WASF3: variants seen among roughly 807,000 people sequenced by gnomAD.
The protein encoded by WASF3 is actin-binding protein WASF3.
In WASF3, 11 loss-of-function variants were observed where a neutral mutation model predicts 46.6. The observed-to-expected ratio is 0.24, with a 90% CI of 0.15 to 0.39. WASF3 has a LOEUF of 0.39. WASF3 is among the 10% of genes least tolerant of loss of function. The pLI is 1.00. For missense variants in WASF3, 576 were observed against 669.8 expected (o/e 0.86, Z 1.55); for synonymous variants, 242 against 259.7 (o/e 0.93, Z 0.65).
rs1881161632 is a variant in WASF3 at position 26,617,218 on chromosome 13, G to C, written c.-11+4160G>C. Among the ~76,000 whole-genome samples the C allele has an allele frequency of 2.6e-5, 4 of 151,222 alleles. No homozygotes were observed. The South Asian group carries it at 8.4e-4, about 32-fold the overall frequency. ...GTTGGTTTCTGAGAAAAGTATGTTGGGTCTTCTACAAAAGGATAATAAAAG... is the reference window on the plus strand; with the variant it reads ...GTTGGTTTCTGAGAAAAGTATGTTGCGTCTTCTACAAAAGGATAATAAAAG... On this transcript the variant is annotated intron_variant, in intron 2 of 9. Transcript: ENST00000335327.
chr13:26,556,479 C>T (rs750514951), upstream of WASF3, among the ~76,000 whole-genome samples: 3 of 152,196 alleles, frequency 2.0e-5, no homozygotes, highest in Non-Finnish European at 4.4e-5. Context: ...TCACCAAAAT[C>T]CTGTTTACCT....
At chr13:26,553,788 G>T (rs543596446), upstream of WASF3, among the ~76,000 whole-genome samples, 160 of 150,106 alleles carry the variant, frequency 1.1e-3, 1 homozygote, top group South Asian at 3.7e-3. Context: ...CTGCACTCCA[G>T]CCTGGGCGAC....
intron 4 of WASF3, among the ~76,000 whole-genome samples, chr13:26,665,986 C>T (rs543888197): frequency 3.9e-5 from 6 of 152,070 alleles, no homozygotes; most frequent in African/African-American, 9.6e-5. Flanking sequence ...TGTGCTATAT[C>T]TATAGAGTAG....
intron 1 of WASF3, chr13:26,606,960 A>G (rs1880818519): frequency 6.6e-6 from 1 of 152,192 alleles, no homozygotes; most frequent in South Asian, 2.1e-4. Context: ...CTTTTATTAC[A>G]GTATGTTGGT....
chr13:26,559,398 A>T (rs558136685), intron 1 of WASF3, among the ~76,000 whole-genome samples: 3 of 152,362 alleles, frequency 2.0e-5, no homozygotes, highest in African/African-American at 7.2e-5. Context: ...ATTTGTTTTT[A>T]AAAAATCTGT....
intron 3 of WASF3, among the ~76,000 whole-genome samples, chr13:26,662,667 G>T (rs1882662792): frequency 6.6e-6 from 1 of 152,206 alleles, no homozygotes; most frequent in African/African-American, 2.4e-5. Context: ...AGGAAGAGGG[G>T]CAAAGGCCAA....
chr13:26,577,578 A>G lies in WASF3; in HGVS notation c.-109+19759A>G, dbSNP rs1347494002. On this transcript the variant is annotated intron_variant, in intron 1 of 9. Coordinates refer to ENST00000335327, the MANE Select transcript of WASF3 (RefSeq NM_006646.6). ...GAATTGGGAAAACTCATGGAGCTTCATGGTGAAGGCAGTAGTTCTGGAAAA... is the reference window on the plus strand; with the variant it reads ...GAATTGGGAAAACTCATGGAGCTTCGTGGTGAAGGCAGTAGTTCTGGAAAA... The G allele has an allele frequency of 2.2e-5, 25 of 1,144,404 alleles. No individual in the cohort carries two copies. In the East Asian group the frequency reaches 4.2e-4, roughly 19 times the overall value. The allele number at this position is 1,144,404 out of a possible 1,614,324, so 70.9% of individuals were successfully genotyped here. A position where few individuals can be genotyped will look rare whatever the true frequency, so the allele number is the denominator to read the frequency against.
At chr13:26,621,399 A>G (rs1350593482) in intron 2 of WASF3, among the ~76,000 whole-genome samples, 1 of 152,226 alleles carries the variant, frequency 6.6e-6, no homozygotes. Flanking sequence ...AAAGGAAAGT[A>G]TGCCAGAGCT....
intron 2 of WASF3, among the ~76,000 whole-genome samples, chr13:26,616,862 G>A (rs1050253096): frequency 2.0e-5 from 3 of 152,118 alleles, no homozygotes; most frequent in African/African-American, 4.8e-5. Context: ...TGTCCCTGGG[G>A]TGTAGTCAAA....
intron 7 of WASF3, chr13:26,680,199 C>T (rs181397950): frequency 2.6e-6 from 4 of 1,562,100 alleles, no homozygotes; most frequent in East Asian, 2.3e-5. Context: ...GAGTGCCCAG[C>T]GGGTTTGTTG....
the WASF3 span, among the ~76,000 whole-genome samples, chr13:26,546,978 A>G: frequency 8.3e-4 from 126 of 152,256 alleles, no homozygotes; most frequent in African/African-American, 3.0e-3. Flanking sequence ...CCATGTCTGA[A>G]GCCTCCTATC....
upstream of WASF3, among the ~76,000 whole-genome samples, chr13:26,557,466 G>T (rs1475144522): frequency 6.6e-6 from 1 of 152,028 alleles, no homozygotes; most frequent in Non-Finnish European, 1.5e-5. Context: ...CTCATCCCGA[G>T]CTGGGGGCGG....
At chr13:26,630,766 A>T (rs1428557729) in intron 2 of WASF3, among the ~76,000 whole-genome samples, 1 of 151,962 alleles carries the variant, frequency 6.6e-6, no homozygotes, top group African/African-American at 2.4e-5. Flanking sequence ...ACTAATTTAC[A>T]CTCCCACCAA....
At chr13:26,657,000 T>TTA (rs1882487066) in intron 3 of WASF3, among the ~76,000 whole-genome samples, 1 of 152,188 alleles carries the variant, frequency 6.6e-6, no homozygotes. Context: ...ACTATGGACT[T>TTA]TCCTAGAGAA....
intron 1 of WASF3, among the ~76,000 whole-genome samples, chr13:26,562,208 G>A (rs1479472833): frequency 6.6e-6 from 1 of 152,190 alleles, no homozygotes; most frequent in African/African-American, 2.4e-5. Flanking sequence ...AAAAGGAGTG[G>A]TGTGGAGTGA....
At chr13:26,668,519 G>T (rs574768817) in intron 5 of WASF3, among the ~76,000 whole-genome samples, 4 of 152,180 alleles carry the variant, frequency 2.6e-5, no homozygotes, top group African/African-American at 9.7e-5. Flanking sequence ...CCAGGAGCCT[G>T]CGAGTTCTCC....
At chr13:26,567,864 GAA>G in intron 1 of WASF3, among the ~76,000 whole-genome samples, 1 of 152,252 alleles carries the variant, frequency 6.6e-6, no homozygotes, top group Admixed American at 6.5e-5. Flanking sequence ...TGAAGAGAGA[GAA>G]TATCAGAGAC....
At chr13:26,568,187 G>A (rs1041221779) in intron 1 of WASF3, among the ~76,000 whole-genome samples, 4 of 152,118 alleles carry the variant, frequency 2.6e-5, no homozygotes, top group African/African-American at 9.7e-5. Flanking sequence ...TTTGAGCAGG[G>A]ACATGATACC....
At position 26,650,661 on chromosome 13, in the gene WASF3, G is replaced by A. The variant is rs1232394112; in HGVS notation, c.133+8258G>A. Among the ~76,000 whole-genome samples, 2 of 152,110 alleles carry A rather than the reference G, an allele frequency of 1.3e-5. 1 individual carries two copies. Among genetic ancestry groups the A allele is most frequent in the Non-Finnish European group, 2.9e-5 (2 of 68,030 alleles). On this transcript the variant is annotated intron_variant, in intron 3 of 9. Coordinates refer to ENST00000335327, the MANE Select transcript of WASF3 (RefSeq NM_006646.6). ...ACTGCAAAAGATGAACAACGTGTGAGGAAATAGCAGTTTCAGCAGAGAAAT... is the reference window on the plus strand; with the variant it reads ...ACTGCAAAAGATGAACAACGTGTGAAGAAATAGCAGTTTCAGCAGAGAAAT...
Sources: gnomAD v4.1 joint callset for allele counts (sites outside exome capture counted in the v4.1 genomes callset) on GRCh38, gnomAD v4.1.1 for gene constraint, MANE v1.5 for transcripts, NCBI Gene and HGNC (gene_info 2026-07-23, HGNC 2026-07-21) for gene names.